Variants in GCSAM observed in about 807,000 individuals in gnomAD.
GCSAM encodes germinal center-associated signaling and motility protein.
In GCSAM, 8 loss-of-function variants were observed where a neutral mutation model predicts 17.6. That is an observed-to-expected ratio of 0.46 (90% CI 0.27 to 0.82). The LOEUF (loss-of-function observed/expected upper bound fraction) is 0.82, where lower values mean the gene tolerates loss of function less well. GCSAM is among the 40% of genes least tolerant of loss of function. GCSAM has a pLI of 0.15. For synonymous variants in GCSAM, 68 were observed against 69.0 expected, an observed-to-expected ratio of 0.98 and a Z score of 0.07; for missense variants, 192 against 213.5, an observed-to-expected ratio of 0.90 and a Z score of 0.63.
At chr3:112,128,143 C>T in intron 2 of GCSAM, 82 bp from the exon 3 acceptor site, 2 of 1,308,304 alleles carry the variant, frequency 1.5e-6, no homozygotes, top group Non-Finnish European at 2.2e-6. Context: ...TTTGCCATTT[C>T]TGTGGAAAAC....
chr3:112,124,621 A>G (rs909326934), intron 5 of GCSAM, among the ~76,000 whole-genome samples: 1 of 152,152 alleles, frequency 6.6e-6, no homozygotes, highest in Non-Finnish European at 1.5e-5. Context: ...AAAAATAAAT[A>G]AATAAATATA....
Position 112,121,726 on chromosome 3 carries a change from G to A in GCSAM, c.*1729C>T, listed in dbSNP as rs1190340062. The A allele has an allele frequency of 6.6e-6, 1 of 152,200 alleles. No homozygotes were observed. The highest frequency in any genetic ancestry group is 1.5e-5 in the Non-Finnish European group (1 of 68,038). The allele number at this position is 152,200 out of a possible 1,614,324, so 9.4% of individuals were successfully genotyped here. A position where few individuals can be genotyped will look rare whatever the true frequency, so the allele number is the denominator to read the frequency against. Reference sequence around the variant, plus strand: ...GAGGAAGAGATACCAAGATGCAGCTGGCTCTTTAGCTGAAGACCATCACCT... The same window carrying A: ...GAGGAAGAGATACCAAGATGCAGCTAGCTCTTTAGCTGAAGACCATCACCT... On this transcript the variant is annotated 3_prime_UTR_variant, in exon 6 of 6. Transcript: ENST00000308910.
chr3:112,129,874 C>G (rs887852589), intron 2 of GCSAM: 4 of 152,446 alleles, frequency 2.6e-5, no homozygotes, highest in African/African-American at 7.2e-5. Flanking sequence ...CTTGTCAGCC[C>G]TTAGGATTCT....
Position 112,123,286 on chromosome 3 carries a change from G to A in GCSAM, c.*169C>T. 8.1e-7 allele frequency: 1 copy of A among 1,233,022 alleles called. No individual in the cohort carries two copies. The highest frequency in any genetic ancestry group is 1.1e-6 in the Non-Finnish European group (1 of 912,168). The allele number at this position is 1,233,022 out of a possible 1,614,324, so 76.4% of individuals were successfully genotyped here. ...GATAAATGGTTGATCTTTAGATTTT[G>A]GCTTTTGCGTGCTAAGAGGGCTTGT... On this transcript the variant is annotated 3_prime_UTR_variant, in exon 6 of 6. Transcript: ENST00000308910.
In GCSAM at chr3:112,125,250, T is replaced by C. The variant is rs754896449; in HGVS notation, c.195A>G (p.Glu65=). 3.8e-6 allele frequency: 6 copies of C among 1,578,308 alleles called. No homozygotes were observed. In the South Asian group the frequency reaches 5.5e-5, roughly 15 times the overall value. ...CCTGGATGGGAGTAGATGACATTCT[T>C]TCATCTGGAGAAAGAAAATACACTC... The part of the protein sequence containing the change: ...EKRQDSQNEN[E]RMSSTPIQDN... Residue 65 remains glutamate (E), a synonymous_variant, in exon 5 of 6, where the codon GAA becomes GAG. Coordinates refer to ENST00000308910, the MANE Select transcript of GCSAM (RefSeq NM_152785.5).
intron 2 of GCSAM, chr3:112,128,356 C>T (rs959726720): frequency 1.8e-6 from 1 of 552,996 alleles, no homozygotes. Flanking sequence ...TAATGAAGAA[C>T]ACGTAAGTGT....
Position 112,128,101 on chromosome 3 carries a change from T to C in GCSAM, c.99-40A>G, listed in dbSNP as rs769282725. On this transcript the variant is annotated intron_variant, in intron 2 of 5. Transcript: ENST00000308910. ...AGAGATGGCAAATCATAAGGTTGAT[T>C]TCTGCAGCTTTGTTAAGGTGACTCC... 5.0e-6 allele frequency: 8 copies of C among 1,585,200 alleles called. No homozygotes were observed. The South Asian group carries it at 8.8e-5, about 18-fold the overall frequency.
rs2074230570 is a variant in GCSAM, at chr3:112,123,098, G to A, written c.*357C>T. The A allele has an allele frequency of 8.0e-6, 2 of 251,522 alleles. No homozygotes were observed. Among genetic ancestry groups the A allele is most frequent in the African/African-American group, 2.2e-5 (1 of 44,558 alleles). The allele number at this position is 251,522 out of a possible 1,614,324, so 15.6% of individuals were successfully genotyped here. ...AGTAAAGCTTCCTTGTGACTTTAGA[G>A]AATGATCATGGGAACACTTTATAAG... On this transcript the variant is annotated 3_prime_UTR_variant, in exon 6 of 6. Coordinates refer to ENST00000308910, the MANE Select transcript of GCSAM (RefSeq NM_152785.5).
At chr3:112,127,225 T>C (rs2074345731) in intron 3 of GCSAM, among the ~76,000 whole-genome samples, 192 bp from the exon 4 acceptor site, 1 of 152,228 alleles carries the variant, frequency 6.6e-6, no homozygotes, top group Non-Finnish European at 1.5e-5. Context: ...TATTCCTTTG[T>C]GCCTCTTTCT....
rs2074286682 is a variant in GCSAM at position 112,125,127 on chromosome 3, A to C, written c.219+99T>G. 5 of 792,732 alleles carry C rather than the reference A, an allele frequency of 6.3e-6. No individual in the cohort carries two copies. The Admixed American group carries it at 9.5e-5, about 15-fold the overall frequency. The allele number at this position is 792,732 out of a possible 1,614,324, so 49.1% of individuals were successfully genotyped here. ...GACATCTAAAGTCTTTCTCCATGTA[A>C]GGGTCAGAAGGGATCTCAGAGGCCA... On this transcript the variant is annotated intron_variant, in intron 5 of 5. Coordinates refer to ENST00000308910, the MANE Select transcript of GCSAM (RefSeq NM_152785.5).
intron 2 of GCSAM, chr3:112,128,368 AT>A: frequency 2.0e-6 from 1 of 512,272 alleles, no homozygotes; most frequent in Non-Finnish European, 3.6e-6. Context: ...CGTAAGTGTT[AT>A]CCCCAGGAAA....
At chr3:112,126,321 T>C (rs1292795780) in intron 4 of GCSAM, among the ~76,000 whole-genome samples, 1 of 152,204 alleles carries the variant, frequency 6.6e-6, no homozygotes, top group Non-Finnish European at 1.5e-5. Context: ...AACTCTTCCA[T>C]TTTTCTTCTT....
chr3:112,124,982 G>A (rs1047067543), intron 5 of GCSAM, among the ~76,000 whole-genome samples: 1 of 152,216 alleles, frequency 6.6e-6, no homozygotes, highest in Non-Finnish European at 1.5e-5. Flanking sequence ...CACTCAGCAT[G>A]TTGTCTGTCA....
At chr3:112,129,534 G>A (rs2074402972) in intron 2 of GCSAM, 1 of 152,106 alleles carries the variant, frequency 6.6e-6, no homozygotes, top group Non-Finnish European at 1.5e-5. Context: ...GGAATTTGAG[G>A]TATCTGTCTC....
intron 1 of GCSAM, among the ~76,000 whole-genome samples, chr3:112,131,757 C>T (rs571831588): frequency 5.3e-5 from 8 of 152,114 alleles, no homozygotes; most frequent in Admixed American, 1.3e-4. Flanking sequence ...AAAATCAAAA[C>T]TTATGTGAGT....
chr3:112,125,521 T>C (rs1162105147), intron 4 of GCSAM, among the ~76,000 whole-genome samples: 2 of 152,094 alleles, frequency 1.3e-5, no homozygotes, highest in Non-Finnish European at 2.9e-5. Flanking sequence ...TTCCTCCAGC[T>C]CTCTTTCCCT....
chr3:112,132,040 G>C (rs2074466413), intron 1 of GCSAM, among the ~76,000 whole-genome samples: 1 of 151,870 alleles, frequency 6.6e-6, no homozygotes, highest in African/African-American at 2.4e-5. Context: ...GGAATTCAAA[G>C]ATAAATAAGA....
At position 112,123,339 on chromosome 3, in the gene GCSAM, AG is replaced by A; in HGVS notation, c.*115del. On this transcript the variant is annotated 3_prime_UTR_variant, in exon 6 of 6. Coordinates refer to ENST00000308910, the MANE Select transcript of GCSAM (RefSeq NM_152785.5). ...TATACAAACCATGCTCTGCAGGGAA[AG>A]GGTTGTTGTGGGAGATAAGCTGGAG... is the stretch of plus-strand genomic sequence containing the variant. 1 of 1,506,810 alleles carries A rather than the reference AG, an allele frequency of 6.6e-7. No individual in the cohort carries two copies. Among genetic ancestry groups the A allele is most frequent in the South Asian group, 1.4e-5 (1 of 73,096 alleles). 93.3% of individuals were successfully genotyped at this position (1,506,810 alleles called of 1,614,324 possible).
chr3:112,130,366 G>T, intron 2 of GCSAM, 79 bp downstream of exon 2: 1 of 1,098,112 alleles, frequency 9.1e-7, no homozygotes, highest in Non-Finnish European at 1.4e-6. Context: ...TCTCTCACTG[G>T]GATGTGAAGT....
Sources: allele counts gnomAD v4.1 joint callset (sites outside exome capture counted in the v4.1 genomes callset), GRCh38; gene constraint gnomAD v4.1.1; transcripts MANE v1.5; gene names NCBI Gene and HGNC (gene_info 2026-07-23, HGNC 2026-07-21).